Variants in SPATS2L observed in about 807,000 individuals in gnomAD.
SPATS2L encodes the protein spermatogenesis associated serine rich 2 like.
A neutral mutation model predicts 59.6 loss-of-function variants in SPATS2L; 30 were observed. The observed-to-expected ratio is 0.50, with a 90% CI of 0.38 to 0.68. The LOEUF (loss-of-function observed/expected upper bound fraction) is 0.68, where lower values mean the gene tolerates loss of function less well. SPATS2L is among the 30% of genes least tolerant of loss of function. SPATS2L has a pLI of 0.00. For synonymous variants in SPATS2L, 252 were observed against 263.5 expected, an observed-to-expected ratio of 0.96 and a Z score of 0.42; for missense variants, 615 against 700.0, an observed-to-expected ratio of 0.88 and a Z score of 1.37.
In SPATS2L at chr2:200,440,764, C is replaced by G; in HGVS notation, c.768C>G (p.Ala256=). The change falls in exon 8 of 13, where the codon GCC becomes GCG. Residue 256 remains alanine, a synonymous_variant. Transcript: ENST00000409140. ...GTTCCGTGAAGAAGATCAAAGCTGCCTTTGCTGAATTACACAACTGGTGAG... is the reference window on the plus strand; with the variant it reads ...GTTCCGTGAAGAAGATCAAAGCTGCGTTTGCTGAATTACACAACTGGTGAG... ...VDSSVKKIKA[A]FAELHNCIID... The G allele has an allele frequency of 1.2e-6, 2 of 1,613,490 alleles. No homozygotes were observed. Among genetic ancestry groups the G allele is most frequent in the Non-Finnish European group, 1.7e-6 (2 of 1,179,584 alleles).
intron 1 of SPATS2L, among the ~76,000 whole-genome samples, chr2:200,325,414 T>G (rs2079702204): frequency 6.6e-6 from 1 of 152,192 alleles, no homozygotes; most frequent in Non-Finnish European, 1.5e-5. Context: ...AGTCTCACTC[T>G]GTTACCTAGG....
intron 4 of SPATS2L, among the ~76,000 whole-genome samples, chr2:200,414,541 G>T (rs1394046187): frequency 6.6e-6 from 1 of 151,900 alleles, no homozygotes; most frequent in South Asian, 2.1e-4. Context: ...GAGGCAGGAG[G>T]ATTGATTGGA....
chr2:200,387,947 C>T (rs1441661586), intron 2 of SPATS2L, among the ~76,000 whole-genome samples: 2 of 152,084 alleles, frequency 1.3e-5, no homozygotes, highest in African/African-American at 4.8e-5. Flanking sequence ...AACACAACAG[C>T]TTGATTTTGG....
intron 10 of SPATS2L, among the ~76,000 whole-genome samples, chr2:200,467,847 T>C (rs2086708613): frequency 6.6e-6 from 1 of 152,210 alleles, no homozygotes; most frequent in African/African-American, 2.4e-5. Context: ...TATTTTCTAG[T>C]TTAGTTGCAT....
chr2:200,469,668 C>G, intron 10 of SPATS2L: 1 of 442,076 alleles, frequency 2.3e-6, no homozygotes, highest in Non-Finnish European at 4.0e-6. Context: ...GTCAGACACA[C>G]ATTTCATGTA....
chr2:200,445,339 G>A (rs1189340355), intron 8 of SPATS2L, among the ~76,000 whole-genome samples: 2 of 152,106 alleles, frequency 1.3e-5, no homozygotes, highest in Non-Finnish European at 2.9e-5. Context: ...TAAAATAAAA[G>A]TGGGACTTTT....
intron 1 of SPATS2L, among the ~76,000 whole-genome samples, chr2:200,320,539 C>T (rs777308929): frequency 6.6e-6 from 1 of 152,166 alleles, no homozygotes; most frequent in Non-Finnish European, 1.5e-5. Context: ...ATATTCTCAT[C>T]TCCTGGGACA....
At chr2:200,348,405 G>C (rs1011927067) in intron 2 of SPATS2L, among the ~76,000 whole-genome samples, 6 of 152,240 alleles carry the variant, frequency 3.9e-5, no homozygotes, top group African/African-American at 1.4e-4. Context: ...GGGCAAGGCT[G>C]CTTCTTGCAG....
chr2:200,434,972 G>T (rs1436522434), intron 6 of SPATS2L, among the ~76,000 whole-genome samples: 1 of 152,050 alleles, frequency 6.6e-6, no homozygotes, highest in East Asian at 1.9e-4. Context: ...CTAGATCGGT[G>T]GAATAGAATA....
At chr2:200,363,990 C>G (rs1204605705) in intron 2 of SPATS2L, among the ~76,000 whole-genome samples, 1 of 152,008 alleles carries the variant, frequency 6.6e-6, no homozygotes, top group African/African-American at 2.4e-5. Context: ...AAAATTGATT[C>G]TTGGAGAGTG....
chr2:200,340,443 C>T (rs889594557), intron 2 of SPATS2L, among the ~76,000 whole-genome samples: 1 of 152,076 alleles, frequency 6.6e-6, no homozygotes, highest in African/African-American at 2.4e-5. Context: ...AACAAGACAG[C>T]GTGTCTTGAT....
In SPATS2L at chr2:200,479,622, C is replaced by T; in HGVS notation, c.*1591C>T. On this transcript the variant is annotated 3_prime_UTR_variant, in exon 13 of 13. Coordinates refer to ENST00000409140, the MANE Select transcript of SPATS2L (RefSeq NM_001100423.2). ...GCCCCAGTTCCCCTAACTTTGACTA[C>T]AGGGCAGTCCAGTTTGGGTGCCGCT... The T allele has an allele frequency of 2.5e-6, 1 of 398,650 alleles. No individual in the cohort carries two copies. The highest frequency in any genetic ancestry group is 4.4e-6 in the Non-Finnish European group (1 of 226,066). The allele number at this position is 398,650 out of a possible 1,614,324, so 24.7% of individuals were successfully genotyped here.
At position 200,472,834 on chromosome 2, in the gene SPATS2L, A is replaced by G; in HGVS notation, c.1063A>G (p.Thr355Ala). The G allele has an allele frequency of 6.2e-7, 1 of 1,613,820 alleles. No individual in the cohort carries two copies. The highest frequency in any genetic ancestry group is 2.2e-5 in the East Asian group (1 of 44,878). The change falls in exon 12 of 13, where the codon ACA becomes GCA. Residue 355 changes from threonine (T) to alanine (A), a missense_variant and splice_region_variant. By Grantham distance (58) the Thr-to-Ala change is moderately conservative (BLOSUM62 0). This residue lies in a region of SPATS2L where 284 missense variants were observed against 280.1 expected (regional missense o/e 1.01). Transcript: ENST00000409140. ...KAQIMLCGEI[T>A]HPKNNYSSRT... ...CACTGAGCACTTTATTATTGCAGTT[A>G]CACATCCAAAGAACAACTATTCCTC...
chr2:200,359,921 T>C (rs2081040901), intron 2 of SPATS2L, among the ~76,000 whole-genome samples: 1 of 152,242 alleles, frequency 6.6e-6, no homozygotes, highest in Non-Finnish European at 1.5e-5. Context: ...ACTGAAATTC[T>C]AGACCAGTGG....
At chr2:200,459,162 C>A (rs4674086) in intron 8 of SPATS2L, among the ~76,000 whole-genome samples, 2 of 151,980 alleles carry the variant, frequency 1.3e-5, no homozygotes, top group African/African-American at 4.8e-5. Context: ...AATACCTTTT[C>A]GAAGGACTAA....
intron 2 of SPATS2L, chr2:200,351,213 T>G (rs1574467577): frequency 2.1e-6 from 1 of 470,942 alleles, no homozygotes; most frequent in African/African-American, 2.0e-5. Context: ...GAGCACTTGC[T>G]GGGAGGGAGT....
At chr2:200,311,619 A>T (rs2079194335) in intron 1 of SPATS2L, among the ~76,000 whole-genome samples, 1 of 152,228 alleles carries the variant, frequency 6.6e-6, no homozygotes, top group Non-Finnish European at 1.5e-5. Flanking sequence ...TTAGAAAAAA[A>T]TACATCTGGG....
intron 2 of SPATS2L, among the ~76,000 whole-genome samples, chr2:200,366,954 A>G (rs567774709): frequency 6.6e-6 from 1 of 152,356 alleles, no homozygotes; most frequent in Admixed American, 6.5e-5. Flanking sequence ...TATAGGTGCA[A>G]TTAATTTTTC....
chr2:200,307,043 G>C, intron 1 of SPATS2L, 121 bp downstream of exon 1: 1 of 854,776 alleles, frequency 1.2e-6, no homozygotes, highest in Non-Finnish European at 1.4e-6. Context: ...AGCCCGGGCC[G>C]CCCAGCCTCC....
Sources: allele counts gnomAD v4.1 joint callset (sites outside exome capture counted in the v4.1 genomes callset), GRCh38; gene constraint gnomAD v4.1.1; regional missense constraint gnomAD v4.1.1; transcripts MANE v1.5; gene names NCBI Gene and HGNC (gene_info 2026-07-23, HGNC 2026-07-21).